Variants in SPATA1 observed in about 807,000 individuals in gnomAD.
SPATA1 encodes spermatogenesis-associated protein 1.
In SPATA1, 57 loss-of-function variants were observed where a neutral mutation model predicts 59.6. The observed-to-expected ratio is 0.96, with a 90% CI of 0.77 to 1.19. SPATA1 has a LOEUF of 1.19. SPATA1 is among the 50% of genes most tolerant of loss of function. The pLI, the probability that SPATA1 is intolerant of heterozygous loss-of-function variation, is 0.00. For synonymous variants in SPATA1, 147 were observed against 163.9 expected, an observed-to-expected ratio of 0.90 and a Z score of 0.79; for missense variants, 448 against 480.7, an observed-to-expected ratio of 0.93 and a Z score of 0.64.
chr1:84,560,646 G>C (rs1684577464), intron 4 of SPATA1, among the ~76,000 whole-genome samples: 1 of 152,226 alleles, frequency 6.6e-6, no homozygotes, highest in African/African-American at 2.4e-5. Flanking sequence ...GACAGGAGAA[G>C]TCAATACCTG....
intron 4 of SPATA1, chr1:84,563,490 T>C: frequency 9.3e-7 from 1 of 1,077,098 alleles, no homozygotes; most frequent in Admixed American, 3.7e-5. Flanking sequence ...CAAAAATATA[T>C]AAATTATTTA....
chr1:84,554,924 A>G (rs1261863900), downstream of SPATA1: 1 of 1,159,162 alleles, frequency 8.6e-7, no homozygotes, highest in African/African-American at 1.5e-5. Context: ...ATATAGCAAC[A>G]TAATAAAAAT....
intron 1 of SPATA1, among the ~76,000 whole-genome samples, chr1:84,512,714 T>A (rs1046122378): frequency 4.6e-5 from 7 of 152,240 alleles, no homozygotes; most frequent in African/African-American, 1.7e-4. Context: ...TACCAACAGT[T>A]ACTCCTTCTC....
chr1:84,510,311 A>C (rs1570378898), intron 1 of SPATA1, among the ~76,000 whole-genome samples: 1 of 152,358 alleles, frequency 6.6e-6, no homozygotes, highest in East Asian at 1.9e-4. Context: ...CTATATAGGA[A>C]AAAAATCTAA....
At chr1:84,539,724 A>G (rs1423381143) in intron 8 of SPATA1, among the ~76,000 whole-genome samples, 1 of 152,188 alleles carries the variant, frequency 6.6e-6, no homozygotes, top group Non-Finnish European at 1.5e-5. Flanking sequence ...TGTTGCAAAT[A>G]TCTTCCTCTA....
At chr1:84,515,486 TCAAGGAAGAGCAA>T (rs1682758976) in intron 1 of SPATA1, among the ~76,000 whole-genome samples, 1 of 152,128 alleles carries the variant, frequency 6.6e-6, no homozygotes, top group Non-Finnish European at 1.5e-5. Context: ...TTAACATAAA[TCAAGGAAGAGCAA>T]TGCTTTGAAA....
chr1:84,526,043 A>G, exon 6 of SPATA1: 1 of 1,612,018 alleles, frequency 6.2e-7, no homozygotes, highest in Non-Finnish European at 8.5e-7. Flanking sequence ...AAACACTTTG[A>G]AAGAGCTTCC....
At chr1:84,537,446 T>C (rs530770901) in intron 8 of SPATA1, among the ~76,000 whole-genome samples, 2 of 152,284 alleles carry the variant, frequency 1.3e-5, no homozygotes, top group South Asian at 2.1e-4. Flanking sequence ...TCTTCACAAA[T>C]AGACGTCTAC....
At chr1:84,540,319 A>G (rs1334619246) in intron 8 of SPATA1, among the ~76,000 whole-genome samples, 1 of 152,014 alleles carries the variant, frequency 6.6e-6, no homozygotes. Flanking sequence ...TGGTATTTAG[A>G]AAGATTTTTA....
chr1:84,540,792 T>C (rs1426752146), intron 8 of SPATA1, among the ~76,000 whole-genome samples: 1 of 152,238 alleles, frequency 6.6e-6, no homozygotes, highest in Non-Finnish European at 1.5e-5. Context: ...ATGGGCAGAC[T>C]AAGGTCTGCA....
intron 3 of SPATA1, among the ~76,000 whole-genome samples, chr1:84,521,380 C>G (rs1683019629): frequency 1.3e-5 from 2 of 152,156 alleles, no homozygotes; most frequent in Non-Finnish European, 2.9e-5. Context: ...TGTTGTTACT[C>G]CTTACGCATA....
At chr1:84,536,377 C>T (rs916633039) in intron 8 of SPATA1, among the ~76,000 whole-genome samples, 1 of 152,188 alleles carries the variant, frequency 6.6e-6, no homozygotes, top group Non-Finnish European at 1.5e-5. Context: ...CCAAGAATTT[C>T]TTGTTAAAAA....
chr1:84,520,738 G>T, intron 3 of SPATA1, 47 bp downstream of exon 3: 1 of 1,262,766 alleles, frequency 7.9e-7, no homozygotes, highest in Non-Finnish European at 1.1e-6. Context: ...AGAAGAATCT[G>T]TTTTCTTCAG....
In SPATA1 at chr1:84,513,842, A is replaced by ATTTT. The variant is rs60377217; in HGVS notation, c.-137-2367_-137-2364dup. Among the ~76,000 whole-genome samples the ATTTT allele has an allele frequency of 1.6e-3, 195 of 125,024 alleles. 3 individuals carry two copies. The highest frequency in any genetic ancestry group is 2.2e-3 in the Admixed American group (27 of 12,164). 82.0% of individuals were successfully genotyped at this position (125,024 alleles called of 152,430 possible). Reference sequence around the variant, plus strand: ...TGATGACTTCTCTTTTCTATATTCTATTTTTTTTTTTTTTTTTGAGACGGA... The same window carrying ATTTT: ...TGATGACTTCTCTTTTCTATATTCTATTTTTTTTTTTTTTTTTTTTTGAGACGGA... On this transcript the variant is annotated intron_variant, in intron 1 of 12. Transcript: ENST00000490879.
exon 13 of SPATA1, chr1:84,553,446 T>C (rs2102012126): frequency 6.5e-6 from 1 of 153,210 alleles, no homozygotes; most frequent in Admixed American, 6.5e-5. Context: ...CTAAAATCTA[T>C]TTGCAAAGAA....
intron 6 of SPATA1, chr1:84,527,522 GTTA>G (rs937386342): frequency 7.3e-5 from 11 of 151,724 alleles, no homozygotes; most frequent in Non-Finnish European, 1.2e-4. Flanking sequence ...TATTCTTCCA[GTTA>G]TTATTTTTTA....
intron 1 of SPATA1, among the ~76,000 whole-genome samples, chr1:84,510,922 A>G (rs1428670859): frequency 6.6e-6 from 1 of 152,150 alleles, no homozygotes; most frequent in Non-Finnish European, 1.5e-5. Flanking sequence ...AGAAACACAA[A>G]CCTCACATGT....
downstream of SPATA1, among the ~76,000 whole-genome samples, chr1:84,558,464 TG>T (rs1293544978): frequency 6.6e-6 from 1 of 151,484 alleles, no homozygotes; most frequent in African/African-American, 2.4e-5. Flanking sequence ...TAATTTTTTT[TG>T]TATTTTTAGT....
At chr1:84,564,487 C>G (rs771424233) in intron 4 of SPATA1, among the ~76,000 whole-genome samples, 10 of 151,710 alleles carry the variant, frequency 6.6e-5, no homozygotes, top group South Asian at 2.1e-4. Context: ...ATTAAATAAC[C>G]AAAAATGGGG....
Sources: allele counts gnomAD v4.1 joint callset (sites outside exome capture counted in the v4.1 genomes callset), GRCh38; gene constraint gnomAD v4.1.1; transcripts MANE v1.5; gene names NCBI Gene and HGNC (gene_info 2026-07-23, HGNC 2026-07-21).